GALNS: variants seen among roughly 807,000 people sequenced by gnomAD.
GALNS encodes the protein galactosamine (N-acetyl)-6-sulfatase, also known as N-acetylgalactosamine-6-sulfatase.
GALNS carries 65 observed loss-of-function variants against 65.9 expected under a neutral mutation model. The ratio of observed to expected loss-of-function variants is 0.99; its 90% CI spans 0.81 to 1.21. GALNS has a LOEUF of 1.21. Among genes scored for constraint, GALNS ranks in the 50% most tolerant of loss-of-function variants. The probability of loss-of-function intolerance (pLI) is 0.00; values close to 1 mark genes in which losing one functional copy is unlikely to be tolerated. For synonymous variants in GALNS, 346 were observed against 288.9 expected, an observed-to-expected ratio of 1.20 and a Z score of -2.00; for missense variants, 776 against 700.7, an observed-to-expected ratio of 1.11 and a Z score of -1.21.
intron 8 of GALNS, among the ~76,000 whole-genome samples, chr16:88,834,363 C>CT (rs1567529272): frequency 8.0e-6 from 1 of 124,458 alleles, no homozygotes; most frequent in East Asian, 2.5e-4. Context: ...AGGGCCCCCC[C>CT]CCGCGTGGTC....
At chr16:88,834,280 G>A (rs1363385489) in intron 8 of GALNS, among the ~76,000 whole-genome samples, 1 of 152,002 alleles carries the variant, frequency 6.6e-6, no homozygotes, top group Admixed American at 6.6e-5. Context: ...ACACTGGGCT[G>A]TAGGCGCCCC....
intron 8 of GALNS, among the ~76,000 whole-genome samples, chr16:88,833,704 C>G (rs1261412093): frequency 6.6e-6 from 1 of 152,168 alleles, no homozygotes. Context: ...CCCGCCTCAG[C>G]CTCCCAAAGT....
In GALNS at chr16:88,835,752, G is replaced by A; in HGVS notation, c.731C>T (p.Pro244Leu). The A allele has an allele frequency of 6.2e-7, 1 of 1,614,126 alleles. No individual in the cohort carries two copies. The highest frequency in any genetic ancestry group is 8.5e-7 in the Non-Finnish European group (1 of 1,180,030). ...CCCTCGCTGACTGGTGCCCAAGAAG[G>A]GTTTGGAGGCATAGACGGGTGCGTG... Reference protein sequence around the residue: ...ATHAPVYASKPFLGTSQRGRY... With the variant: ...ATHAPVYASKLFLGTSQRGRY... The change falls in exon 7 of 14, where the codon CCC becomes CTC. Residue 244 changes from proline (P) to leucine (L), a missense_variant. Coordinates refer to ENST00000268695, the MANE Select transcript of GALNS (RefSeq NM_000512.5).
intron 8 of GALNS, among the ~76,000 whole-genome samples, chr16:88,834,884 G>A (rs80294467): frequency 0.05 from 7,600 of 152,196 alleles, 248 homozygotes; most frequent in Middle Eastern, 0.17. Flanking sequence ...GGGACACCCT[G>A]CTCCACCGGC....
At chr16:88,823,684 C>T (rs1414604276) in intron 11 of GALNS, among the ~76,000 whole-genome samples, 8 of 105,346 alleles carry the variant, frequency 7.6e-5, no homozygotes, top group African/African-American at 2.9e-4. Flanking sequence ...GGACGGCCCT[C>T]GCAGGCGGCA....
In GALNS at chr16:88,837,686, C is replaced by G; in HGVS notation, c.502G>C (p.Gly168Arg). Residue 168 changes from glycine (G) to arginine (R), a missense_variant, in exon 5 of 14, where the codon GGA (glycine) becomes CGA (arginine). Physicochemically the swap from Gly to Arg is moderately radical, Grantham distance 125. Coordinates refer to ENST00000268695, the MANE Select transcript of GALNS (RefSeq NM_000512.5). ...EWFGSPNCHF[G>R]PYDNKARPNI... ...GGCCTGGCCTTGTTGTCATAAGGTC[C>G]AAAGTGGCAGTTGGGGGATCCAAAC... The G allele has an allele frequency of 6.2e-7, 1 of 1,614,066 alleles. No individual in the cohort carries two copies. Among genetic ancestry groups the G allele is most frequent in the South Asian group, 1.1e-5 (1 of 91,084 alleles).
chr16:88,852,605 T>C (rs1485869003), intron 1 of GALNS, among the ~76,000 whole-genome samples: 1 of 152,192 alleles, frequency 6.6e-6, no homozygotes, highest in Non-Finnish European at 1.5e-5. Flanking sequence ...AGGAAGATGT[T>C]TGAATCCATG....
Position 88,814,022 on chromosome 16 carries a change from C to A in GALNS, c.*417G>T, listed in dbSNP as rs1394974506. 2 of 326,252 alleles carry A rather than the reference C, an allele frequency of 6.1e-6. No homozygotes were observed. The highest frequency in any genetic ancestry group is 1.2e-5 in the Non-Finnish European group (2 of 166,098). The allele number at this position is 326,252 out of a possible 1,614,324, so 20.2% of individuals were successfully genotyped here. On this transcript the variant is annotated 3_prime_UTR_variant, in exon 14 of 14. Transcript: ENST00000268695. ...CAATGTACGCCATACACATACTGATCTTGTGTCTCCCTAAGATGTATAAAG... is the reference window on the plus strand; with the variant it reads ...CAATGTACGCCATACACATACTGATATTGTGTCTCCCTAAGATGTATAAAG...
At chr16:88,823,283 G>C (rs1910442630) in intron 11 of GALNS, among the ~76,000 whole-genome samples, 1 of 152,202 alleles carries the variant, frequency 6.6e-6, no homozygotes, top group African/African-American at 2.4e-5. Flanking sequence ...AGAAAACACA[G>C]AAAACAAAAA....
In GALNS at chr16:88,826,590, G is replaced by A. The variant is rs879202197; in HGVS notation, c.1139+112C>T. 1.4e-5 allele frequency: 19 copies of A among 1,319,878 alleles called. 1 individual carries two copies. The South Asian group carries it at 1.7e-4, about 12-fold the overall frequency. 81.8% of individuals were successfully genotyped at this position (1,319,878 alleles called of 1,614,324 possible). ...CTCCTCCTGCCCTGGGCACGAGCAC[G>A]CCTGTGTCCAGAACCAGGAGGGCTG... On this transcript the variant is annotated intron_variant, in intron 10 of 13. Coordinates refer to ENST00000268695, the MANE Select transcript of GALNS (RefSeq NM_000512.5).
intron 1 of GALNS, chr16:88,843,054 C>A (rs539089903): frequency 4.0e-6 from 6 of 1,518,982 alleles, no homozygotes; most frequent in Non-Finnish European, 5.3e-6. Flanking sequence ...CGTGCGTGCA[C>A]GATGGGGCCG....
intron 12 of GALNS, among the ~76,000 whole-genome samples, chr16:88,819,029 A>G (rs1008215566): frequency 6.6e-6 from 1 of 152,230 alleles, no homozygotes; most frequent in Non-Finnish European, 1.5e-5. Flanking sequence ...GTCCAGGCCC[A>G]GTACCTTCTG....
intron 13 of GALNS, chr16:88,816,439 G>C: frequency 1.0e-6 from 1 of 985,432 alleles, no homozygotes; most frequent in Non-Finnish European, 1.2e-6. Context: ...ACTGAGTCCA[G>C]AGGCGGGGAC....
intron 13 of GALNS, chr16:88,817,387 G>A: frequency 1.0e-6 from 1 of 985,456 alleles, no homozygotes; most frequent in Non-Finnish European, 1.2e-6. Context: ...GTCTTGTCAG[G>A]CTGCACGGAG....
chr16:88,843,070 C>T (rs1391529690), intron 1 of GALNS: 18 of 1,513,296 alleles, frequency 1.2e-5, no homozygotes, highest in Middle Eastern at 2.0e-4. Context: ...GGCCGCTCCA[C>T]GGTCAGCCCA....
chr16:88,853,843 C>T (rs1180925440), intron 1 of GALNS, among the ~76,000 whole-genome samples: 1 of 152,248 alleles, frequency 6.6e-6, no homozygotes, highest in East Asian at 1.9e-4. Flanking sequence ...GCTCAGCTCC[C>T]CCTGGACAGG....
chr16:88,826,614 T>C (rs1597547076), intron 10 of GALNS, 88 bp downstream of exon 10: 2 of 1,494,844 alleles, frequency 1.3e-6, no homozygotes, highest in Non-Finnish European at 1.8e-6. Context: ...CCAGGAGGGC[T>C]GCTGGGCCTG....
chr16:88,822,859 G>C (rs1456174208), intron 11 of GALNS, 149 bp from the exon 12 acceptor site: 6 of 1,259,132 alleles, frequency 4.8e-6, no homozygotes, highest in Non-Finnish European at 6.6e-6. Flanking sequence ...GGCCGTGGGG[G>C]GGTCTCGTCT....
At chr16:88,856,335 G>T in intron 1 of GALNS, 1 of 702,576 alleles carries the variant, frequency 1.4e-6, no homozygotes, top group South Asian at 1.5e-5. Context: ...AGGGCGGCAG[G>T]AGCAGCCTCT....
Sources: allele counts gnomAD v4.1 joint callset (sites outside exome capture counted in the v4.1 genomes callset), GRCh38; gene constraint gnomAD v4.1.1; transcripts MANE v1.5; gene names NCBI Gene and HGNC (gene_info 2026-07-23, HGNC 2026-07-21).